The following LRMDA variants were observed in gnomAD, a reference collection of about 807,000 sequenced individuals.
LRMDA encodes leucine-rich melanocyte differentiation-associated protein.
A neutral mutation model predicts 29.8 loss-of-function variants in LRMDA; 18 were observed. That is an observed-to-expected ratio of 0.60 (90% CI 0.42 to 0.90). LRMDA has a LOEUF of 0.90. Among genes scored for constraint, LRMDA ranks in the 40% least tolerant of loss-of-function variants. The probability of loss-of-function intolerance (pLI) is 0.00; values close to 1 mark genes in which losing one functional copy is unlikely to be tolerated. For synonymous variants in LRMDA, 125 were observed against 109.4 expected (o/e 1.14, Z -0.89); for missense variants, 273 against 273.9 (o/e 1.00, Z 0.02).
intron 2 of LRMDA, among the ~76,000 whole-genome samples, chr10:75,728,778 G>A (rs1215310433): frequency 6.6e-6 from 1 of 152,060 alleles, no homozygotes; most frequent in Admixed American, 6.6e-5. Context: ...AGCTTGTGTG[G>A]AGAAAGGGAC....
intron 6 of LRMDA, among the ~76,000 whole-genome samples, chr10:76,338,739 G>A (rs922234034): frequency 4.6e-5 from 7 of 152,128 alleles, no homozygotes; most frequent in Admixed American, 4.6e-4. Context: ...TTCAAGAGGT[G>A]CATGTAATAA....
Position 75,973,778 on chromosome 10 carries a change from G to A in LRMDA, c.132-62230G>A, listed in dbSNP as rs149653844. 2.6e-5 allele frequency among the ~76,000 whole-genome samples: 4 copies of A among 152,228 alleles called. No homozygotes were observed. The East Asian group carries it at 5.8e-4, about 22-fold the overall frequency. ...AATTAAGATGAATAATGACAGCACC[G>A]TGACTTGGGGGCGGTGGGGTAGTGG... On this transcript the variant is annotated intron_variant, in intron 2 of 6. Transcript: ENST00000611255.
intron 2 of LRMDA, among the ~76,000 whole-genome samples, chr10:75,810,222 G>A (rs1203200287): frequency 6.6e-6 from 1 of 152,214 alleles, no homozygotes; most frequent in Non-Finnish European, 1.5e-5. Context: ...GATAGGGAAG[G>A]CAAAGCAGAA....
chr10:75,721,718 T>A (rs1842569601), intron 2 of LRMDA, among the ~76,000 whole-genome samples: 1 of 152,252 alleles, frequency 6.6e-6, no homozygotes, highest in Non-Finnish European at 1.5e-5. Context: ...GTACACTTTC[T>A]TTTAATTTAC....
At chr10:75,660,591 A>G (rs979251187) in intron 2 of LRMDA, among the ~76,000 whole-genome samples, 2 of 152,214 alleles carry the variant, frequency 1.3e-5, no homozygotes, top group African/African-American at 4.8e-5. Flanking sequence ...AGCGAGAAAC[A>G]AAGATGAGTT....
At chr10:76,426,288 G>A (rs1403005760) in intron 6 of LRMDA, among the ~76,000 whole-genome samples, 6 of 152,014 alleles carry the variant, frequency 3.9e-5, no homozygotes, top group Non-Finnish European at 5.9e-5. Context: ...TTTAATGATC[G>A]CTATTCTAAC....
chr10:76,407,173 G>C (rs1841911457), intron 6 of LRMDA, among the ~76,000 whole-genome samples: 1 of 152,210 alleles, frequency 6.6e-6, no homozygotes, highest in Non-Finnish European at 1.5e-5. Context: ...ATCAGCCTGG[G>C]CTCTGTGGTG....
chr10:75,999,948 G>A (rs1163847940), intron 2 of LRMDA, among the ~76,000 whole-genome samples: 2 of 152,086 alleles, frequency 1.3e-5, no homozygotes, highest in African/African-American at 4.8e-5. Flanking sequence ...AGATAAATGG[G>A]GATATCTCTT....
In LRMDA at chr10:76,559,595, G is replaced by A. The variant is rs1222821973; in HGVS notation, c.*2307G>A. 1 of 152,190 alleles carries A rather than the reference G, an allele frequency of 6.6e-6. No homozygotes were observed. The highest frequency in any genetic ancestry group is 1.5e-5 in the Non-Finnish European group (1 of 68,038). The allele number at this position is 152,190 out of a possible 1,614,324, so 9.4% of individuals were successfully genotyped here. Reference sequence around the variant, plus strand: ...TTTGCTGTGCTAGAGCTAGACTTTGGTCTGAATTGGCAGAGGTAGAACCCA... The same window carrying A: ...TTTGCTGTGCTAGAGCTAGACTTTGATCTGAATTGGCAGAGGTAGAACCCA... On this transcript the variant is annotated 3_prime_UTR_variant, in exon 7 of 7. Coordinates refer to ENST00000611255, the MANE Select transcript of LRMDA (RefSeq NM_001305581.2).
intron 6 of LRMDA, among the ~76,000 whole-genome samples, chr10:76,383,586 A>G (rs7072326): frequency 0.32 from 46,996 of 146,302 alleles, 11,243 homozygotes; most frequent in African/African-American, 0.68. Flanking sequence ...GCCCGCCACC[A>G]CGCCCGGCTA....
chr10:76,062,038 G>A (rs1279812696), intron 5 of LRMDA, among the ~76,000 whole-genome samples: 1 of 152,184 alleles, frequency 6.6e-6, no homozygotes, highest in African/African-American at 2.4e-5. Flanking sequence ...CCGTCTCTGT[G>A]TATATATACA....
chr10:75,508,081 C>T (rs1256086384), intron 2 of LRMDA, among the ~76,000 whole-genome samples: 1 of 152,228 alleles, frequency 6.6e-6, no homozygotes, highest in African/African-American at 2.4e-5. Flanking sequence ...AATGTCTCTT[C>T]TGCTGCCTGT....
At chr10:76,145,721 G>C (rs1474499334) in intron 5 of LRMDA, among the ~76,000 whole-genome samples, 1 of 151,696 alleles carries the variant, frequency 6.6e-6, no homozygotes, top group Non-Finnish European at 1.5e-5. Context: ...GTTATTTCTT[G>C]CCTTCTGCTA....
At chr10:76,110,586 G>A (rs1182235165) in intron 5 of LRMDA, among the ~76,000 whole-genome samples, 4 of 152,090 alleles carry the variant, frequency 2.6e-5, no homozygotes, top group Non-Finnish European at 5.9e-5. Flanking sequence ...AGGGACCCAC[G>A]GGGAGGTAAT....
chr10:76,364,553 C>G (rs1313895045), intron 6 of LRMDA, among the ~76,000 whole-genome samples: 1 of 151,576 alleles, frequency 6.6e-6, no homozygotes, highest in Non-Finnish European at 1.5e-5. Flanking sequence ...GAACCAGGAG[C>G]CTTAGGAGCT....
intron 6 of LRMDA, among the ~76,000 whole-genome samples, chr10:76,464,014 G>A (rs1211152530): frequency 3.5e-5 from 5 of 143,580 alleles, no homozygotes; most frequent in African/African-American, 1.3e-4. Context: ...TCCACCTCCC[G>A]GTTCAAGCGA....
intron 5 of LRMDA, among the ~76,000 whole-genome samples, chr10:76,209,655 A>G: frequency 6.6e-6 from 1 of 152,162 alleles, no homozygotes; most frequent in Non-Finnish European, 1.5e-5. Context: ...TGTCTTGTAA[A>G]TGACTTCTTT....
chr10:76,283,947 T>G (rs1840238626), intron 5 of LRMDA, among the ~76,000 whole-genome samples: 1 of 152,204 alleles, frequency 6.6e-6, no homozygotes, highest in Non-Finnish European at 1.5e-5. Context: ...ACTACAGGCA[T>G]GCACCACCAC....
In LRMDA at chr10:75,544,224, A is replaced by G. The variant is rs528672258; in HGVS notation, c.131+105730A>G. Among the ~76,000 whole-genome samples, 42 of 152,336 alleles carry G rather than the reference A, an allele frequency of 2.8e-4. 1 individual carries two copies. In the South Asian group the frequency reaches 8.1e-3, roughly 29 times the overall value. On this transcript the variant is annotated intron_variant, in intron 2 of 6. Coordinates refer to ENST00000611255, the MANE Select transcript of LRMDA (RefSeq NM_001305581.2). ...TAATGGAGCTTCTGGGAGAATAGGT[A>G]GAGAAAAGATTTGGCTGTGTTTATT...
Sources: gnomAD v4.1 joint callset for allele counts (sites outside exome capture counted in the v4.1 genomes callset) on GRCh38, gnomAD v4.1.1 for gene constraint, MANE v1.5 for transcripts, NCBI Gene and HGNC (gene_info 2026-07-23, HGNC 2026-07-21) for gene names.